ZNF532: variants seen among roughly 807,000 people sequenced by gnomAD.
The protein encoded by ZNF532 is zinc finger protein 532.
In ZNF532, 22 loss-of-function variants were observed where a neutral mutation model predicts 89.3. The observed-to-expected ratio is 0.25, with a 90% CI of 0.18 to 0.35. The LOEUF is 0.35. ZNF532 is among the 10% of genes least tolerant of loss of function. The probability of loss-of-function intolerance (pLI) is 1.00; values close to 1 mark genes in which losing one functional copy is unlikely to be tolerated. For synonymous variants in ZNF532, 606 were observed against 649.6 expected, an observed-to-expected ratio of 0.93 and a Z score of 1.02; for missense variants, 1,132 against 1,643.4, an observed-to-expected ratio of 0.69 and a Z score of 5.38.
chr18:58,980,046 A>C (rs2067558684), intron 8 of ZNF532: 1 of 152,226 alleles, frequency 6.6e-6, no homozygotes, highest in Non-Finnish European at 1.5e-5. Context: ...TGAGAGAGAG[A>C]GAGACAAAGG....
At chr18:58,869,762 GTTT>G (rs59118998) in intron 2 of ZNF532, among the ~76,000 whole-genome samples, 1 of 111,514 alleles carries the variant, frequency 9.0e-6, no homozygotes. Flanking sequence ...TGGAAGATCT[GTTT>G]TTTTTTTTTT....
chr18:58,971,785 A>G (rs542856750), intron 7 of ZNF532, among the ~76,000 whole-genome samples: 51 of 152,354 alleles, frequency 3.3e-4, no homozygotes, highest in African/African-American at 1.2e-3. Context: ...AGTTTATACA[A>G]AGGAAATAAT....
At chr18:58,872,493 G>C (rs1244077182) in intron 2 of ZNF532, among the ~76,000 whole-genome samples, 1 of 152,102 alleles carries the variant, frequency 6.6e-6, no homozygotes, top group African/African-American at 2.4e-5. Context: ...AAAAAGGTTA[G>C]AAAATTCAAA....
chr18:58,912,875 G>A (rs948717356), intron 2 of ZNF532, among the ~76,000 whole-genome samples: 2 of 152,002 alleles, frequency 1.3e-5, no homozygotes, highest in African/African-American at 4.8e-5. Flanking sequence ...GCACTTCCTA[G>A]AGAGAGGCAG....
At chr18:58,903,232 T>TG (rs1313729847) in intron 2 of ZNF532, among the ~76,000 whole-genome samples, 1 of 151,990 alleles carries the variant, frequency 6.6e-6, no homozygotes, top group Non-Finnish European at 1.5e-5. Flanking sequence ...GATAAGTGTG[T>TG]GTTGGGGGAG....
At position 58,920,069 on chromosome 18, in the gene ZNF532, C is replaced by G. The variant is rs745305986; in HGVS notation, c.1782C>G (p.Val594=). The change falls in exon 3 of 10, where the codon GTC becomes GTG. Residue 594 remains valine (V), a synonymous_variant. Transcript: ENST00000591808. ...FNKVLSSVNP[V]PVYIPNLSPP... The stretch of plus-strand genomic sequence containing the variant: ...AGGTGCTGAGCAGTGTCAATCCAGT[C>G]CCTGTTTACATCCCAAACCTCAGTC... The G allele has an allele frequency of 6.2e-7, 1 of 1,613,950 alleles. No individual in the cohort carries two copies. The highest frequency in any genetic ancestry group is 1.1e-5 in the South Asian group (1 of 91,066).
At chr18:58,959,253 G>GTTTTTTTTTTTTTTTTTTTTTTTTTT (rs201150500) in intron 7 of ZNF532, among the ~76,000 whole-genome samples, 1 of 121,638 alleles carries the variant, frequency 8.2e-6, no homozygotes, top group Non-Finnish European at 1.6e-5. Flanking sequence ...TCAGTTTTTT[G>GTTTTTTTTTTTTTTTTTTTTTTTTTT]TTTTTTGTTT....
At chr18:58,894,732 A>G (rs1438039506) in intron 2 of ZNF532, among the ~76,000 whole-genome samples, 1 of 152,160 alleles carries the variant, frequency 6.6e-6, no homozygotes, top group Non-Finnish European at 1.5e-5. Context: ...TTCAGGCACT[A>G]CTTGGCATTT....
intron 7 of ZNF532, among the ~76,000 whole-genome samples, chr18:58,973,430 T>C (rs1344292548): frequency 6.6e-6 from 1 of 152,138 alleles, no homozygotes; most frequent in African/African-American, 2.4e-5. Context: ...CCTTAATAAG[T>C]CATTAGAGAA....
At chr18:58,879,942 C>T (rs551394144) in intron 2 of ZNF532, among the ~76,000 whole-genome samples, 14 of 152,110 alleles carry the variant, frequency 9.2e-5, no homozygotes, top group Non-Finnish European at 1.8e-4. Context: ...GATTTGTGTC[C>T]TTAACTTTTA....
At chr18:58,879,366 C>G (rs1294566226) in intron 2 of ZNF532, among the ~76,000 whole-genome samples, 1 of 152,190 alleles carries the variant, frequency 6.6e-6, no homozygotes, top group Non-Finnish European at 1.5e-5. Context: ...AGTGTAAAAG[C>G]TGGCGGCAAA....
intron 4 of ZNF532, among the ~76,000 whole-genome samples, chr18:58,939,179 G>C (rs147746410): frequency 6.9e-6 from 1 of 145,188 alleles, no homozygotes; most frequent in Admixed American, 7.1e-5. Context: ...CCTGGGAGGT[G>C]GAGGTTGCAA....
upstream of ZNF532, chr18:58,864,400 TCTGCAGCCGAC>T (rs1197875949): frequency 8.6e-5 from 13 of 151,932 alleles, no homozygotes; most frequent in Non-Finnish European, 1.3e-4. Context: ...CCAGGCCGGC[TCTGCAGCCGAC>T]GCATCCCGTG....
chr18:58,941,024 A>C (rs996146932), intron 5 of ZNF532, among the ~76,000 whole-genome samples: 1 of 148,532 alleles, frequency 6.7e-6, no homozygotes, highest in Non-Finnish European at 1.5e-5. Context: ...GTTTTGGGGA[A>C]ATGTGATTGA....
At chr18:58,867,149 C>A (rs1218604809) in intron 2 of ZNF532, among the ~76,000 whole-genome samples, 1 of 152,208 alleles carries the variant, frequency 6.6e-6, no homozygotes, top group Non-Finnish European at 1.5e-5. Flanking sequence ...GTCCTTCATT[C>A]TTGTCTTTTG....
At chr18:58,929,355 A>G (rs770309651) in intron 3 of ZNF532, among the ~76,000 whole-genome samples, 6 of 152,122 alleles carry the variant, frequency 3.9e-5, no homozygotes, top group Admixed American at 3.9e-4. Flanking sequence ...AATACAACAT[A>G]CTAACTGTAT....
chr18:58,864,549 G>A (rs2056269955), upstream of ZNF532: 2 of 150,642 alleles, frequency 1.3e-5, no homozygotes, highest in African/African-American at 2.4e-5. Context: ...GGAAGGAGAA[G>A]GAGGGGGAAA....
At chr18:58,941,759 G>A (rs1474147775) in intron 5 of ZNF532, among the ~76,000 whole-genome samples, 3 of 151,758 alleles carry the variant, frequency 2.0e-5, no homozygotes, top group Admixed American at 6.6e-5. Context: ...CCCAGCCCCA[G>A]TATTTTCTTT....
intron 6 of ZNF532, among the ~76,000 whole-genome samples, chr18:58,949,961 T>C (rs1018199729): frequency 6.6e-6 from 1 of 152,338 alleles, no homozygotes. Flanking sequence ...AGTAAAACCC[T>C]CTTAAGATAC....
Sources: allele counts gnomAD v4.1 joint callset (sites outside exome capture counted in the v4.1 genomes callset), GRCh38; gene constraint gnomAD v4.1.1; transcripts MANE v1.5; gene names NCBI Gene and HGNC (gene_info 2026-07-23, HGNC 2026-07-21).